Variants in CNTNAP4 observed in about 807,000 individuals in gnomAD.
The protein encoded by CNTNAP4 is contactin associated protein family member 4, also known as contactin-associated protein-like 4.
In CNTNAP4, 98 loss-of-function variants were observed where a neutral mutation model predicts 148.4. The ratio of observed to expected loss-of-function variants is 0.66; its 90% CI spans 0.56 to 0.78. The LOEUF (loss-of-function observed/expected upper bound fraction) is 0.78. Ranked by LOEUF, CNTNAP4 falls within the 30% of genes least tolerant of loss-of-function variation. CNTNAP4 has a pLI of 0.00. For missense variants in CNTNAP4, 1,935 were observed against 1,565.6 expected, an observed-to-expected ratio of 1.24 and a Z score of -3.98; for synonymous variants, 730 against 565.1, an observed-to-expected ratio of 1.29 and a Z score of -4.14.
chr16:76,466,942 A>C (rs563005916), intron 9 of CNTNAP4, among the ~76,000 whole-genome samples: 6 of 152,244 alleles, frequency 3.9e-5, no homozygotes, highest in African/African-American at 1.4e-4. Flanking sequence ...CATCATTATT[A>C]ATGTATCTTT....
intron 1 of CNTNAP4, among the ~76,000 whole-genome samples, chr16:76,296,130 T>C (rs542207784): frequency 6.6e-6 from 1 of 152,372 alleles, no homozygotes; most frequent in Admixed American, 6.5e-5. Flanking sequence ...TGGTAATGTA[T>C]TGAGTAAAAT....
rs1299080304 is a variant in CNTNAP4 at position 76,298,284 on chromosome 16, T to A, written c.86-18129T>A. ...CAGTGAACCTGAATAGAACTGTGTGTTTAATCAAAATGTAACAGTCAAGTT... is the reference window on the plus strand; with the variant it reads ...CAGTGAACCTGAATAGAACTGTGTGATTAATCAAAATGTAACAGTCAAGTT... On this transcript the variant is annotated intron_variant, in intron 1 of 23. Transcript: ENST00000611870. Among the ~76,000 whole-genome samples, 3 of 152,322 alleles carry A rather than the reference T, an allele frequency of 2.0e-5. No individual in the cohort carries two copies. The East Asian group carries it at 5.8e-4, about 29-fold the overall frequency.
chr16:76,315,358 C>T (rs1478727508), intron 1 of CNTNAP4, among the ~76,000 whole-genome samples: 2 of 152,090 alleles, frequency 1.3e-5, no homozygotes, highest in South Asian at 2.1e-4. Flanking sequence ...GGAGGACCTA[C>T]GTATATCAAA....
At chr16:76,444,537 T>C (rs375801775) in intron 4 of CNTNAP4, among the ~76,000 whole-genome samples, 4 of 152,062 alleles carry the variant, frequency 2.6e-5, no homozygotes, top group South Asian at 2.1e-4. Context: ...GTCCAAAATA[T>C]ATAGAATTGA....
intron 7 of CNTNAP4, among the ~76,000 whole-genome samples, chr16:76,451,721 G>C (rs1211051408): frequency 1.3e-5 from 2 of 151,388 alleles, no homozygotes; most frequent in Non-Finnish European, 2.9e-5. Context: ...AAGCTATCAT[G>C]CAGCTATCCA....
intron 3 of CNTNAP4, among the ~76,000 whole-genome samples, chr16:76,374,774 A>T (rs1319816942): frequency 6.7e-6 from 1 of 149,156 alleles, no homozygotes; most frequent in East Asian, 2.0e-4. Flanking sequence ...TATTATTATT[A>T]TTATTATTAT....
chr16:76,354,382 C>T (rs926120725), intron 2 of CNTNAP4, among the ~76,000 whole-genome samples: 1 of 152,132 alleles, frequency 6.6e-6, no homozygotes, highest in African/African-American at 2.4e-5. Context: ...ATGCTGTGCA[C>T]ATTACTTCTT....
intron 15 of CNTNAP4, among the ~76,000 whole-genome samples, chr16:76,503,459 C>G (rs8046535): frequency 0.034 from 5,226 of 152,168 alleles, 298 homozygotes; most frequent in African/African-American, 0.12. Context: ...TAGAAAATCT[C>G]AAATTATATT....
chr16:76,462,855 T>C (rs2081032924), intron 9 of CNTNAP4, among the ~76,000 whole-genome samples: 1 of 152,210 alleles, frequency 6.6e-6, no homozygotes, highest in African/African-American at 2.4e-5. Flanking sequence ...TTAGCGTTGT[T>C]TTGTCATCGT....
intron 2 of CNTNAP4, among the ~76,000 whole-genome samples, chr16:76,320,548 G>A (rs761980866): frequency 9.9e-5 from 15 of 152,134 alleles, no homozygotes; most frequent in Non-Finnish European, 1.9e-4. Context: ...CAGGAATCCA[G>A]GAATAGAGAG....
At chr16:76,370,360 C>T (rs913671006) in intron 3 of CNTNAP4, among the ~76,000 whole-genome samples, 2 of 152,058 alleles carry the variant, frequency 1.3e-5, no homozygotes, top group African/African-American at 4.8e-5. Flanking sequence ...AAACAAGTTA[C>T]CTCAGAATGC....
chr16:76,540,730 C>G lies in CNTNAP4; in HGVS notation c.3382C>G (p.His1128Asp). 6.3e-7 allele frequency: 1 copy of G among 1,575,036 alleles called. No individual in the cohort carries two copies. Among genetic ancestry groups the G allele is most frequent in the Non-Finnish European group, 8.6e-7 (1 of 1,158,240 alleles). The change falls in exon 21 of 24, where the codon CAC becomes GAC. Residue 1128 changes from histidine (H) to aspartate (D), a missense_variant. Coordinates refer to ENST00000611870, the MANE Select transcript of CNTNAP4 (RefSeq NM_033401.5). ...EIDDNRRRQV[H>D]LSSGTEFSAV... ...TGACGATAATAGAAGGAGACAAGTT[C>G]ACCTGTCATCAGGCACAGAATTCAG...
chr16:76,325,881 A>C (rs905370713), intron 2 of CNTNAP4, among the ~76,000 whole-genome samples: 1 of 152,148 alleles, frequency 6.6e-6, no homozygotes, highest in African/African-American at 2.4e-5. Context: ...ATTTAAATGA[A>C]TTGAAAAAAT....
chr16:76,336,382 C>T (rs1964026958), intron 2 of CNTNAP4, among the ~76,000 whole-genome samples: 1 of 152,194 alleles, frequency 6.6e-6, no homozygotes, highest in Non-Finnish European at 1.5e-5. Flanking sequence ...AGCTTGAAAT[C>T]TTCCACAGAA....
intron 3 of CNTNAP4, among the ~76,000 whole-genome samples, chr16:76,364,233 CAAAAAAAAAAAA>C (rs58589609): frequency 6.2e-5 from 3 of 48,182 alleles, no homozygotes; most frequent in South Asian, 1.1e-3. Context: ...GATTCCATCT[CAAAAAAAAAAAA>C]AAAAAAAAAA....
At chr16:76,355,534 T>G in intron 3 of CNTNAP4, 23 bp downstream of exon 3, 1 of 1,554,734 alleles carries the variant, frequency 6.4e-7, no homozygotes, top group East Asian at 2.3e-5. Flanking sequence ...ACAAAAGACA[T>G]AGTCTCTCGG....
intron 15 of CNTNAP4, among the ~76,000 whole-genome samples, chr16:76,512,143 G>A (rs1330195571): frequency 6.6e-6 from 1 of 152,190 alleles, no homozygotes; most frequent in Non-Finnish European, 1.5e-5. Flanking sequence ...TTGGAGCAGA[G>A]TGGGCAAGAA....
chr16:76,554,273 ACTG>A (rs2085095424), intron 23 of CNTNAP4, among the ~76,000 whole-genome samples: 1 of 152,188 alleles, frequency 6.6e-6, no homozygotes, highest in South Asian at 2.1e-4. Context: ...TGGACATATC[ACTG>A]CTTCTGGAAA....
intron 2 of CNTNAP4, among the ~76,000 whole-genome samples, chr16:76,334,762 G>A (rs759396990): frequency 2.4e-4 from 37 of 151,922 alleles, no homozygotes; most frequent in Non-Finnish European, 4.1e-4. Flanking sequence ...GGCTTTGGAC[G>A]TGCAGGAAAC....
Sources: allele counts gnomAD v4.1 joint callset (sites outside exome capture counted in the v4.1 genomes callset), GRCh38; gene constraint gnomAD v4.1.1; transcripts MANE v1.5; gene names NCBI Gene and HGNC (gene_info 2026-07-23, HGNC 2026-07-21).